PRKN: variants seen among roughly 807,000 people sequenced by gnomAD.
The protein encoded by PRKN is E3 ubiquitin-protein ligase parkin.
Under a neutral mutation model 59.5 loss-of-function variants are expected in PRKN, and 56 were observed. The observed-to-expected ratio is 0.94, with a 90% CI of 0.76 to 1.18. The LOEUF (loss-of-function observed/expected upper bound fraction) is 1.18, where lower values mean the gene tolerates loss of function less well. Among genes scored for constraint, PRKN ranks in the 50% most tolerant of loss-of-function variants. The pLI is 0.00. For synonymous variants in PRKN, 250 were observed against 222.1 expected (o/e 1.13, Z -1.12); for missense variants, 657 against 596.4 (o/e 1.10, Z -1.06).
intron 1 of PRKN, among the ~76,000 whole-genome samples, chr6:162,663,043 A>G (rs368264145): frequency 7.9e-5 from 12 of 152,156 alleles, no homozygotes; most frequent in African/African-American, 2.7e-4. Context: ...GCAGAGTAGA[A>G]CCCGACACCC....
chr6:161,841,149 C>G (rs1792970355), intron 6 of PRKN, among the ~76,000 whole-genome samples: 1 of 152,106 alleles, frequency 6.6e-6, no homozygotes, highest in South Asian at 2.1e-4. Context: ...CAAAGCAAAG[C>G]CATGGAATCA....
At chr6:162,363,090 TG>T (rs1331424159) in intron 2 of PRKN, among the ~76,000 whole-genome samples, 2 of 136,954 alleles carry the variant, frequency 1.5e-5, no homozygotes, top group African/African-American at 2.8e-5. Flanking sequence ...ATCACACCAC[TG>T]CACTCCAGCC....
intron 9 of PRKN, among the ~76,000 whole-genome samples, chr6:161,387,151 G>T (rs950389780): frequency 6.6e-6 from 1 of 152,098 alleles, no homozygotes; most frequent in Non-Finnish European, 1.5e-5. Flanking sequence ...AAGACACAGT[G>T]ATATGGTTTG....
In PRKN at chr6:161,488,660, A is replaced by C. The variant is rs1186435178; in HGVS notation, c.1083+60194T>G. On this transcript the variant is annotated intron_variant, in intron 9 of 11. Transcript: ENST00000366898. This position sits in a 1 kb window ranked among gnomAD's most constrained non-coding sequence, Gnocchi z 4.5. ...ACCACCACACCTGGCTAATTTTTAA[A>C]ATTTTTTGTAGAGGTGGGGTCTCAC... 6.6e-6 allele frequency among the ~76,000 whole-genome samples: 1 copy of C among 151,870 alleles called. No homozygotes were observed. The highest frequency in any genetic ancestry group is 1.5e-5 in the Non-Finnish European group (1 of 67,980).
chr6:161,708,358 A>T (rs1786596244), intron 7 of PRKN, among the ~76,000 whole-genome samples: 1 of 152,046 alleles, frequency 6.6e-6, no homozygotes. Context: ...GAATTTAAAC[A>T]TCCAAAATAT....
At position 162,468,401 on chromosome 6, in the gene PRKN, A is replaced by C. The variant is rs573897961; in HGVS notation, c.8-24928T>G. Among the ~76,000 whole-genome samples the C allele has an allele frequency of 4.6e-5, 7 of 152,350 alleles. No homozygotes were observed. In the South Asian group the frequency reaches 8.3e-4, roughly 18 times the overall value. On this transcript the variant is annotated intron_variant, in intron 1 of 11. Coordinates refer to ENST00000366898, the MANE Select transcript of PRKN (RefSeq NM_004562.3). ...ACTGAGAGAAAAATGAATTCATTTGATTGACATTTACTCAGTGTCTGTCCA... is the reference window on the plus strand; with the variant it reads ...ACTGAGAGAAAAATGAATTCATTTGCTTGACATTTACTCAGTGTCTGTCCA...
intron 7 of PRKN, among the ~76,000 whole-genome samples, chr6:161,715,810 T>A (rs1786950445): frequency 6.6e-6 from 1 of 152,108 alleles, no homozygotes; most frequent in Non-Finnish European, 1.5e-5. Context: ...GACGGGAAGC[T>A]TCTCAGTCCT....
At chr6:162,561,412 C>T (rs573410765) in intron 1 of PRKN, among the ~76,000 whole-genome samples, 1 of 151,952 alleles carries the variant, frequency 6.6e-6, no homozygotes, top group Non-Finnish European at 1.5e-5. Flanking sequence ...GAATAGAAAG[C>T]TCCACCGTTC....
rs58765166 is a variant in PRKN at position 161,733,797 on chromosome 6, T to TATATATATAC, written c.871+51974_871+51975insGTATATATAT. Among the ~76,000 whole-genome samples, 385 of 81,886 alleles carry TATATATATAC rather than the reference T, an allele frequency of 4.7e-3. 8 individuals carry two copies. Among genetic ancestry groups the TATATATATAC allele is most frequent in the African/African-American group, 0.015 (360 of 24,168 alleles). 53.7% of individuals were successfully genotyped at this position (81,886 alleles called of 152,430 possible). A position where few individuals can be genotyped will look rare whatever the true frequency, so the allele number is the denominator to read the frequency against. ...AAAAAAAAAAAAATATATATATATA[T>TATATATATAC]GTATATATATATATATATATATATG... On this transcript the variant is annotated intron_variant, in intron 7 of 11. Transcript: ENST00000366898.
rs1175851014 is a variant in PRKN, at chr6:161,562,796, C to A, written c.933+6559G>T. ...TCTCAAGATTCACTTCTTTTTGTCT[C>A]CGCTGCCAACTGTCTTAATCCAGAG... On this transcript the variant is annotated intron_variant, in intron 8 of 11. Coordinates refer to ENST00000366898, the MANE Select transcript of PRKN (RefSeq NM_004562.3). The surrounding 1 kb of genome is among the most constrained non-coding windows in gnomAD (Gnocchi z 4.3). 6.6e-6 allele frequency among the ~76,000 whole-genome samples: 1 copy of A among 152,186 alleles called. No homozygotes were observed. Among genetic ancestry groups the A allele is most frequent in the Admixed American group, 6.5e-5 (1 of 15,270 alleles).
intron 9 of PRKN, among the ~76,000 whole-genome samples, chr6:161,540,538 G>T (rs1001944824): frequency 1.3e-5 from 2 of 152,128 alleles, no homozygotes; most frequent in Middle Eastern, 3.2e-3. Flanking sequence ...ACTTTCATTA[G>T]TTCTCTACAG....
At chr6:162,604,964 C>A (rs1781852341) in intron 1 of PRKN, among the ~76,000 whole-genome samples, 1 of 152,104 alleles carries the variant, frequency 6.6e-6, no homozygotes, top group Non-Finnish European at 1.5e-5. Context: ...AAAATTAAGT[C>A]ATTTTCCACA....
intron 4 of PRKN, among the ~76,000 whole-genome samples, chr6:162,194,543 C>T (rs1175442408): frequency 6.6e-6 from 1 of 152,026 alleles, no homozygotes; most frequent in Non-Finnish European, 1.5e-5. Context: ...ATACTGATGC[C>T]CTGAAATGGT....
intron 1 of PRKN, among the ~76,000 whole-genome samples, chr6:162,598,233 G>T (rs1031210063): frequency 6.6e-6 from 1 of 151,952 alleles, no homozygotes; most frequent in Admixed American, 6.6e-5. Context: ...CAAATATATG[G>T]GCCCCTTCAG....
chr6:162,670,439 G>T (rs1286787164), intron 1 of PRKN, among the ~76,000 whole-genome samples: 1 of 152,190 alleles, frequency 6.6e-6, no homozygotes, highest in African/African-American at 2.4e-5. Context: ...AGCAACAAAA[G>T]TAAATAATAC....
chr6:162,148,506 T>C (rs1208012596), intron 4 of PRKN, among the ~76,000 whole-genome samples: 1 of 152,144 alleles, frequency 6.6e-6, no homozygotes, highest in African/African-American at 2.4e-5. Flanking sequence ...AATTCACATA[T>C]ACTACCTCAT....
chr6:162,509,251 T>A (rs1034070674), intron 1 of PRKN, among the ~76,000 whole-genome samples: 5 of 152,222 alleles, frequency 3.3e-5, no homozygotes, highest in Admixed American at 6.5e-5. Flanking sequence ...CTACCATCAC[T>A]GAGTTGTTCC....
intron 7 of PRKN, among the ~76,000 whole-genome samples, chr6:161,607,990 A>G (rs1421492761): frequency 6.6e-6 from 1 of 152,130 alleles, no homozygotes; most frequent in Non-Finnish European, 1.5e-5. Context: ...ATAGTGCCTT[A>G]CCTAGGTTTC....
Position 161,561,124 on chromosome 6 carries a change from G to A in PRKN, c.933+8231C>T, listed in dbSNP as rs1029707779. Among the ~76,000 whole-genome samples, 9 of 151,530 alleles carry A rather than the reference G, an allele frequency of 5.9e-5. No homozygotes were observed. Among genetic ancestry groups the A allele is most frequent in the Admixed American group, 1.3e-4 (2 of 15,208 alleles). ...CTCTCTTCTTTCTTCCCCTCAACCCGCCGAAAAAAGGGGTGAAATAAAAAA... is the reference window on the plus strand; with the variant it reads ...CTCTCTTCTTTCTTCCCCTCAACCCACCGAAAAAAGGGGTGAAATAAAAAA... On this transcript the variant is annotated intron_variant, in intron 8 of 11. Coordinates refer to ENST00000366898, the MANE Select transcript of PRKN (RefSeq NM_004562.3). This position sits in a 1 kb window ranked among gnomAD's most constrained non-coding sequence, Gnocchi z 5.0.
Sources: allele counts gnomAD v4.1 joint callset (sites outside exome capture counted in the v4.1 genomes callset), GRCh38; gene constraint gnomAD v4.1.1; non-coding constraint Gnocchi (gnomAD v3.1); transcripts MANE v1.5; gene names NCBI Gene and HGNC (gene_info 2026-07-23, HGNC 2026-07-21).